The following REV3L variants were observed in gnomAD, a reference collection of about 807,000 sequenced individuals.
The protein encoded by REV3L is DNA polymerase zeta catalytic subunit.
Under a neutral mutation model 299.4 loss-of-function variants are expected in REV3L, and 69 were observed. The ratio of observed to expected loss-of-function variants is 0.23; its 90% confidence interval spans 0.19 to 0.28. The LOEUF (loss-of-function observed/expected upper bound fraction) is 0.28. Ranked by LOEUF, REV3L falls within the 10% of genes least tolerant of loss-of-function variation. REV3L has a pLI of 1.00. For missense variants in REV3L, 3,128 were observed against 3,693.8 expected (o/e 0.85, Z 3.97); for synonymous variants, 1,238 against 1,271.4 (o/e 0.97, Z 0.56).
intron 1 of REV3L, among the ~76,000 whole-genome samples, chr6:111,424,873 G>T (rs1785982734): frequency 6.6e-6 from 1 of 152,160 alleles, no homozygotes; most frequent in Non-Finnish European, 1.5e-5. Flanking sequence ...TACCAGTTGG[G>T]TCTAACAAGA....
intron 4 of REV3L, among the ~76,000 whole-genome samples, chr6:111,402,642 C>A (rs1364532950): frequency 6.6e-6 from 1 of 152,044 alleles, no homozygotes; most frequent in African/African-American, 2.4e-5. Context: ...AAAAAGAAAC[C>A]CTCCCTGGTG....
intron 9 of REV3L, among the ~76,000 whole-genome samples, chr6:111,385,622 C>CT (rs891974791): frequency 8.1e-5 from 12 of 148,400 alleles, no homozygotes; most frequent in South Asian, 2.1e-4. Context: ...CCAAGGATAA[C>CT]TTTTTTTTTT....
chr6:111,358,243 T>C (rs1437899007), intron 17 of REV3L, among the ~76,000 whole-genome samples: 1 of 152,160 alleles, frequency 6.6e-6, no homozygotes, highest in Non-Finnish European at 1.5e-5. Context: ...AAGTATCTTA[T>C]AAACCATTAA....
intron 18 of REV3L, 200 bp downstream of exon 18, chr6:111,356,814 T>C: frequency 3.3e-6 from 1 of 304,732 alleles, no homozygotes; most frequent in Non-Finnish European, 6.1e-6. Flanking sequence ...GAACACTGCT[T>C]TTCCTATCCC....
intron 3 of REV3L, among the ~76,000 whole-genome samples, chr6:111,408,281 T>C (rs1017727008): frequency 7.9e-5 from 12 of 152,118 alleles, no homozygotes; most frequent in Admixed American, 7.9e-4. Flanking sequence ...TCAAACTTTT[T>C]GGCCCCAGAA....
chr6:111,321,036 T>C (rs894354174), intron 26 of REV3L, among the ~76,000 whole-genome samples: 1 of 152,202 alleles, frequency 6.6e-6, no homozygotes, highest in Non-Finnish European at 1.5e-5. Context: ...TGGAATCATA[T>C]AATAACTATA....
chr6:111,377,893 T>G (rs370852160), intron 11 of REV3L, 50 bp from the exon 12 acceptor site: 1 of 1,497,966 alleles, frequency 6.7e-7, no homozygotes, highest in Non-Finnish European at 9.0e-7. Flanking sequence ...GTAAAGACCA[T>G]CTCAGATGCA....
chr6:111,396,685 C>T (rs1782547359), intron 4 of REV3L, among the ~76,000 whole-genome samples: 1 of 152,028 alleles, frequency 6.6e-6, no homozygotes. Context: ...GATTCGTCTG[C>T]TCAGGTTTTC....
At chr6:111,316,224 TAAAA>T (rs75805183) in intron 26 of REV3L, among the ~76,000 whole-genome samples, 1 of 104,250 alleles carries the variant, frequency 9.6e-6, no homozygotes, top group Non-Finnish European at 2.0e-5. Flanking sequence ...GGACTCCATC[TAAAA>T]AAAAAAAAAA....
At chr6:111,443,145 C>G (rs1583012342) in intron 1 of REV3L, among the ~76,000 whole-genome samples, 1 of 152,012 alleles carries the variant, frequency 6.6e-6, no homozygotes, top group East Asian at 1.9e-4. Flanking sequence ...CATTTGCCTA[C>G]TTCTTTATAT....
At chr6:111,412,318 C>T (rs1424903419) in intron 2 of REV3L, 2 of 943,624 alleles carry the variant, frequency 2.1e-6, no homozygotes, top group Admixed American at 6.2e-5. Context: ...AAGGGGGAAG[C>T]AAAAGGCTAT....
intron 5 of REV3L, among the ~76,000 whole-genome samples, chr6:111,390,639 G>A (rs1048213189): frequency 6.6e-6 from 1 of 152,130 alleles, no homozygotes; most frequent in Non-Finnish European, 1.5e-5. Context: ...ATGGGCAAAC[G>A]ATATTCACCA....
chr6:111,477,728 A>T (rs1228979848), intron 1 of REV3L, among the ~76,000 whole-genome samples: 1 of 152,220 alleles, frequency 6.6e-6, no homozygotes, highest in Non-Finnish European at 1.5e-5. Flanking sequence ...CCATATCCTG[A>T]ATGCAATGGA....
intron 4 of REV3L, among the ~76,000 whole-genome samples, chr6:111,393,685 A>G (rs1782177064): frequency 6.6e-6 from 1 of 151,806 alleles, no homozygotes. Context: ...AGCCTCTAGT[A>G]ACTACCTTTC....
chr6:111,424,931 G>A (rs551499783), intron 1 of REV3L, among the ~76,000 whole-genome samples: 14 of 152,256 alleles, frequency 9.2e-5, no homozygotes, highest in Middle Eastern at 3.4e-3. Context: ...AATGTCCACC[G>A]GGGGCTTGGA....
At chr6:111,385,116 T>C (rs1489246650) in intron 9 of REV3L, among the ~76,000 whole-genome samples, 3 of 151,404 alleles carry the variant, frequency 2.0e-5, no homozygotes, top group Admixed American at 6.6e-5. Flanking sequence ...GGAAGGGTAG[T>C]AGGGTGGGGT....
At position 111,375,510 on chromosome 6, in the gene REV3L, T is replaced by C. The variant is rs777272719; in HGVS notation, c.2845A>G (p.Met949Val). 13 of 1,605,868 alleles carry C rather than the reference T, an allele frequency of 8.1e-6. No individual in the cohort carries two copies. The highest frequency in any genetic ancestry group is 1.7e-4 in the Middle Eastern group (1 of 6,020). ...CCATCTAAACTTTCACCAATTTCCA[T>C]GGGATGAGGTAGACTAATTTTTGAG... ...HNSKISLPHP[M>V]EIGESLDGTL... Residue 949 changes from methionine to valine, a missense_variant, in exon 13 of 32, where the codon ATG becomes GTG. Met to Val is a conservative substitution (Grantham distance 21). This residue lies in a region of REV3L where 2,409 missense variants were observed against 2,611.8 expected (regional missense o/e 0.92). Coordinates refer to ENST00000368802, the MANE Select transcript of REV3L (RefSeq NM_001372078.1).
At chr6:111,365,576 C>T (rs558649084) in intron 14 of REV3L, among the ~76,000 whole-genome samples, 1 of 151,970 alleles carries the variant, frequency 6.6e-6, no homozygotes, top group African/African-American at 2.4e-5. Flanking sequence ...AATTTTATAC[C>T]TCAGTCATTA....
Position 111,373,196 on chromosome 6 carries a change from G to C in REV3L, c.5159C>G (p.Ser1720Cys). The change falls in exon 13 of 32, where the codon TCT becomes TGT. Residue 1720 changes from serine (S) to cysteine (C), a missense_variant. Ser to Cys is a moderately radical substitution (Grantham distance 112, BLOSUM62 -1). Transcript: ENST00000368802. ...HTTDSASWIR[S>C]GTLSPEIFEK... is the part of the protein sequence containing the mutation. ...AAAAATTTCAGGACTTAAAGTACCAGATCTAATCCATGAGGCTGAGTCTGT... is the reference window on the plus strand; with the variant it reads ...AAAAATTTCAGGACTTAAAGTACCACATCTAATCCATGAGGCTGAGTCTGT... 6.2e-7 allele frequency: 1 copy of C among 1,614,134 alleles called. No homozygotes were observed. The highest frequency in any genetic ancestry group is 8.5e-7 in the Non-Finnish European group (1 of 1,180,000).
Sources: allele counts gnomAD v4.1 joint callset (sites outside exome capture counted in the v4.1 genomes callset), GRCh38; gene constraint gnomAD v4.1.1; regional missense constraint gnomAD v4.1.1; transcripts MANE v1.5; gene names NCBI Gene and HGNC (gene_info 2026-07-23, HGNC 2026-07-21).